F2RL1: variants seen among roughly 807,000 people sequenced by gnomAD.
The protein encoded by F2RL1 is proteinase-activated receptor 2.
Under a neutral mutation model 21.7 loss-of-function variants are expected in F2RL1, and 16 were observed. The ratio of observed to expected loss-of-function variants is 0.74; its 90% confidence interval spans 0.50 to 1.12. F2RL1 has a LOEUF of 1.12. Among genes scored for constraint, F2RL1 ranks in the 50% most tolerant of loss-of-function variants. F2RL1 has a pLI of 0.00. For synonymous variants in F2RL1, 181 were observed against 186.7 expected, an observed-to-expected ratio of 0.97 and a Z score of 0.25; for missense variants, 432 against 477.8, an observed-to-expected ratio of 0.90 and a Z score of 0.89.
intron 1 of F2RL1, among the ~76,000 whole-genome samples, chr5:76,821,092 T>C (rs1297549864): frequency 6.6e-6 from 1 of 152,076 alleles, no homozygotes; most frequent in East Asian, 1.9e-4. Flanking sequence ...TGGGGTTTGA[T>C]TTTCTTCCCA....
Position 76,819,071 on chromosome 5 carries a change from G to C in F2RL1, c.-112G>C. ...TGGGGAGGCGCGCAGCAGAGGCTCC[G>C]ATTCGGGGCAGGTGAGAGGCTGACT... is the stretch of plus-strand genomic sequence containing the variant. On this transcript the variant is annotated 5_prime_UTR_variant, in exon 1 of 2. Transcript: ENST00000296677. 1 of 859,990 alleles carries C rather than the reference G, an allele frequency of 1.2e-6. No individual in the cohort carries two copies. The highest frequency in any genetic ancestry group is 1.8e-6 in the Non-Finnish European group (1 of 564,488). 53.3% of individuals were successfully genotyped at this position (859,990 alleles called of 1,614,324 possible).
At chr5:76,820,089 CA>C (rs1750102772) in intron 1 of F2RL1, among the ~76,000 whole-genome samples, 1 of 152,222 alleles carries the variant, frequency 6.6e-6, no homozygotes, top group African/African-American at 2.4e-5. Flanking sequence ...GGCTGCCACC[CA>C]GGTCTGCAGG....
intron 1 of F2RL1, among the ~76,000 whole-genome samples, chr5:76,828,169 A>G (rs1750279725): frequency 6.6e-6 from 1 of 151,900 alleles, no homozygotes; most frequent in Admixed American, 6.6e-5. Flanking sequence ...GGGTTTCACC[A>G]TGTTGGCCAG....
intron 1 of F2RL1, among the ~76,000 whole-genome samples, chr5:76,820,491 C>G (rs113506644): frequency 0.012 from 1,826 of 152,058 alleles, 47 homozygotes; most frequent in African/African-American, 0.042. Context: ...AACTGTGCAC[C>G]GCTGGTATAT....
At chr5:76,823,535 C>A (rs1474466175) in intron 1 of F2RL1, among the ~76,000 whole-genome samples, 1 of 151,808 alleles carries the variant, frequency 6.6e-6, no homozygotes, top group Non-Finnish European at 1.5e-5. Flanking sequence ...CGCGCCAACA[C>A]CTCCAGCTAA....
In F2RL1 at chr5:76,829,045, G is replaced by C. The variant is rs372694613; in HGVS notation, c.83-3645G>C. Among the ~76,000 whole-genome samples the C allele has an allele frequency of 9.9e-5, 15 of 151,976 alleles. No individual in the cohort carries two copies. The East Asian group carries it at 2.1e-3, about 22-fold the overall frequency. On this transcript the variant is annotated intron_variant, in intron 1 of 1. Transcript: ENST00000296677. Reference sequence around the variant, plus strand: ...GCAGGAGAATTGCTTGAACCTGGGAGACGGAGGTTGCAGTGAACCAAGATC... The same window carrying C: ...GCAGGAGAATTGCTTGAACCTGGGACACGGAGGTTGCAGTGAACCAAGATC...
At chr5:76,822,081 T>A (rs1750146172) in intron 1 of F2RL1, among the ~76,000 whole-genome samples, 2 of 152,194 alleles carry the variant, frequency 1.3e-5, no homozygotes, top group South Asian at 4.1e-4. Flanking sequence ...AGAAAATATG[T>A]TTGTGCAAGT....
intron 1 of F2RL1, among the ~76,000 whole-genome samples, chr5:76,827,233 G>A (rs992498847): frequency 6.7e-6 from 1 of 148,894 alleles, no homozygotes; most frequent in African/African-American, 2.5e-5. Context: ...TGTAATCCCA[G>A]CACTTTGGGA....
chr5:76,821,127 C>G (rs977449391), intron 1 of F2RL1, among the ~76,000 whole-genome samples: 2 of 151,812 alleles, frequency 1.3e-5, no homozygotes, highest in African/African-American at 2.4e-5. Context: ...AAGACTGCCT[C>G]ATAGAAACGA....
chr5:76,826,789 C>A (rs1272520720), intron 1 of F2RL1, among the ~76,000 whole-genome samples: 3 of 152,092 alleles, frequency 2.0e-5, no homozygotes, highest in Admixed American at 6.6e-5. Context: ...TTGAAAACAG[C>A]CAAATAATAT....
chr5:76,832,008 T>TTA (rs1750357419), intron 1 of F2RL1, among the ~76,000 whole-genome samples: 1 of 133,192 alleles, frequency 7.5e-6, no homozygotes, highest in African/African-American at 2.9e-5. Flanking sequence ...ACCCCATCTC[T>TTA]AAAAAAAAAA....
rs1295112161 is a variant in F2RL1 at position 76,832,008 on chromosome 5, T to TA, written c.83-668dup. On this transcript the variant is annotated intron_variant, in intron 1 of 1. Coordinates refer to ENST00000296677, the MANE Select transcript of F2RL1 (RefSeq NM_005242.6). ...AGTCAACATAGCAAGACCCCATCTC[T>TA]AAAAAAAAAAAAAATAATAAGTAAA... 4.9e-3 allele frequency among the ~76,000 whole-genome samples: 649 copies of TA among 133,160 alleles called. 3 individuals are homozygous for TA. Among genetic ancestry groups the TA allele is most frequent in the African/African-American group, 0.012 (424 of 33,972 alleles). The allele number at this position is 133,160 out of a possible 152,430, so 87.4% of individuals were successfully genotyped here. A position where few individuals can be genotyped will look rare whatever the true frequency, so the allele number is the denominator to read the frequency against.
At position 76,834,935 on chromosome 5, in the gene F2RL1, G is replaced by A. The variant is rs1319851292; in HGVS notation, c.*1134G>A. On this transcript the variant is annotated 3_prime_UTR_variant, in exon 2 of 2. Coordinates refer to ENST00000296677, the MANE Select transcript of F2RL1 (RefSeq NM_005242.6). ...TTATTAACCCTCTGAGTTTTTGTATGTATTATTATTAAAGAAAAATGCAAT... is the reference window on the plus strand; with the variant it reads ...TTATTAACCCTCTGAGTTTTTGTATATATTATTATTAAAGAAAAATGCAAT... The A allele has an allele frequency of 6.6e-6, 1 of 152,240 alleles. No homozygotes were observed. The highest frequency in any genetic ancestry group is 1.5e-5 in the Non-Finnish European group (1 of 68,018). 9.4% of individuals were successfully genotyped at this position (152,240 alleles called of 1,614,324 possible).
At chr5:76,830,218 C>T (rs984087745) in intron 1 of F2RL1, among the ~76,000 whole-genome samples, 2 of 152,214 alleles carry the variant, frequency 1.3e-5, no homozygotes, top group African/African-American at 4.8e-5. Context: ...CCTCCATTCT[C>T]ATGTCACTCA....
intron 1 of F2RL1, among the ~76,000 whole-genome samples, chr5:76,827,830 C>T (rs576772584): frequency 2.2e-4 from 34 of 151,950 alleles, no homozygotes; most frequent in Non-Finnish European, 4.4e-4. Flanking sequence ...AAACCCCGAC[C>T]TCGTGATCTG....
Position 76,832,832 on chromosome 5 carries a change from T to C in F2RL1, c.225T>C (p.Thr75=), listed in dbSNP as rs770039524. The part of the protein sequence containing the change: ...SASVLTGKLT[T]VFLPIVYTIV... The stretch of plus-strand genomic sequence containing the variant: ...CTGTCCTCACTGGAAAACTGACCAC[T>C]GTCTTCCTTCCAATTGTCTACACAA... Residue 75 remains threonine (T), a synonymous_variant, in exon 2 of 2, where the codon ACT becomes ACC. Coordinates refer to ENST00000296677, the MANE Select transcript of F2RL1 (RefSeq NM_005242.6). The C allele has an allele frequency of 8.1e-6, 13 of 1,614,138 alleles. No individual in the cohort carries two copies. The African/African-American group carries it at 1.5e-4, about 18-fold the overall frequency.
chr5:76,825,511 ATTGT>A (rs1750224283), intron 1 of F2RL1, among the ~76,000 whole-genome samples: 1 of 152,168 alleles, frequency 6.6e-6, no homozygotes, highest in Non-Finnish European at 1.5e-5. Flanking sequence ...TTGGGCAATA[ATTGT>A]TTATTACAGC....
In F2RL1 at chr5:76,833,977, T is replaced by C. The variant is rs1242348885; in HGVS notation, c.*176T>C. 1.0e-5 allele frequency: 6 copies of C among 599,448 alleles called. No homozygotes were observed. The highest frequency in any genetic ancestry group is 1.7e-5 in the Non-Finnish European group (6 of 352,692). 37.1% of individuals were successfully genotyped at this position (599,448 alleles called of 1,614,324 possible). ...TGCATGAGAAAAGTAGTCCCCCAAA[T>C]TAACATCAGTGTCTGTTTCAGAATC... On this transcript the variant is annotated 3_prime_UTR_variant, in exon 2 of 2. Transcript: ENST00000296677.
intron 1 of F2RL1, among the ~76,000 whole-genome samples, chr5:76,827,148 GC>G (rs1222717393): frequency 6.6e-6 from 1 of 151,272 alleles, no homozygotes; most frequent in African/African-American, 2.4e-5. Context: ...ACTGTGCCCA[GC>G]CCACTTGTTG....
Sources: gnomAD v4.1 joint callset for allele counts (sites outside exome capture counted in the v4.1 genomes callset) on GRCh38, gnomAD v4.1.1 for gene constraint, MANE v1.5 for transcripts, NCBI Gene and HGNC (gene_info 2026-07-23, HGNC 2026-07-21) for gene names.